The following CRACD variants were observed in gnomAD, a reference collection of about 807,000 sequenced individuals.
CRACD encodes the protein capping protein-inhibiting regulator of actin dynamics.
A neutral mutation model predicts 106.8 loss-of-function variants in CRACD; 56 were observed. The ratio of observed to expected loss-of-function variants is 0.52; its 90% CI spans 0.42 to 0.66. The LOEUF is 0.66. Among genes scored for constraint, CRACD ranks in the 30% least tolerant of loss-of-function variants. The pLI, the probability that CRACD is intolerant of heterozygous loss-of-function variation, is 0.00. For synonymous variants in CRACD, 754 were observed against 670.8 expected (o/e 1.12, Z -1.92); for missense variants, 1,730 against 1,623.2 (o/e 1.07, Z -1.13).
rs754664789 is a variant in CRACD at position 56,315,483 on chromosome 4, A to G, written c.1981A>G (p.Ser661Gly). ...KAKPRQESPSSASALAEWASI... is the reference protein window; with the variant it reads ...KAKPRQESPSGASALAEWASI... ...TAAGCCCCGCCAGGAGTCTCCCAGC[A>G]GCGCGTCCGCACTCGCAGAATGGGC... The change falls in exon 8 of 11, where the codon AGC becomes GGC. Residue 661 changes from serine to glycine, a missense_variant. Ser to Gly is a moderately conservative substitution (Grantham distance 56, BLOSUM62 0). This residue lies in a region of CRACD where 1,620 missense variants were observed against 1,481.6 expected (regional missense o/e 1.09). Coordinates refer to ENST00000682029, the MANE Select transcript of CRACD (RefSeq NM_001393381.1). This position sits in a 1 kb window ranked among gnomAD's most constrained non-coding sequence, Gnocchi z 4.1. 1.9e-6 allele frequency: 3 copies of G among 1,613,284 alleles called. No individual in the cohort carries two copies. Among genetic ancestry groups the G allele is most frequent in the East Asian group, 4.5e-5 (2 of 44,860 alleles).
At chr4:56,211,357 C>T (rs1738396999) in intron 2 of CRACD, among the ~76,000 whole-genome samples, 1 of 152,134 alleles carries the variant, frequency 6.6e-6, no homozygotes, top group Non-Finnish European at 1.5e-5. Context: ...CTTGGCCATA[C>T]TGCCTCCTGC....
chr4:56,116,502 G>A (rs1215937560), intron 1 of CRACD, among the ~76,000 whole-genome samples: 1 of 152,114 alleles, frequency 6.6e-6, no homozygotes, highest in Non-Finnish European at 1.5e-5. Context: ...ATTATAGAGG[G>A]ATCTGTGCTT....
chr4:56,308,111 C>T (rs922198466), intron 5 of CRACD, among the ~76,000 whole-genome samples: 2 of 152,198 alleles, frequency 1.3e-5, no homozygotes, highest in Non-Finnish European at 2.9e-5. Flanking sequence ...TGAGAACAAA[C>T]TGGGTCTGAC....
At chr4:56,171,806 G>A (rs76560912) in intron 1 of CRACD, among the ~76,000 whole-genome samples, 142 of 152,158 alleles carry the variant, frequency 9.3e-4, no homozygotes, top group Non-Finnish European at 1.9e-3. Flanking sequence ...GCCTGCCTCC[G>A]TCCTGTGGGT....
At chr4:56,202,659 T>TA (rs1737939968) in intron 2 of CRACD, among the ~76,000 whole-genome samples, 1 of 152,174 alleles carries the variant, frequency 6.6e-6, no homozygotes, top group Non-Finnish European at 1.5e-5. Flanking sequence ...GAATAGGTTT[T>TA]AAAAAATTCT....
At chr4:56,222,364 A>G (rs77819578) in intron 2 of CRACD, among the ~76,000 whole-genome samples, 4,391 of 152,294 alleles carry the variant, frequency 0.029, 102 homozygotes, top group South Asian at 0.055. Flanking sequence ...ACAGAGTGGT[A>G]TAATGCACTT....
intron 1 of CRACD, among the ~76,000 whole-genome samples, chr4:56,063,072 GA>G (rs201147407): frequency 1.4e-5 from 1 of 72,412 alleles, no homozygotes; most frequent in African/African-American, 9.7e-5. Context: ...AGGAAGAAAG[GA>G]AAGGAAGGAA....
At chr4:56,239,164 G>A (rs1740201917) in intron 2 of CRACD, among the ~76,000 whole-genome samples, 1 of 152,154 alleles carries the variant, frequency 6.6e-6, no homozygotes, top group African/African-American at 2.4e-5. Context: ...ATGGTGGTAC[G>A]TGCCTGTAAT....
intron 4 of CRACD, chr4:56,301,203 A>G: frequency 7.8e-7 from 1 of 1,286,322 alleles, no homozygotes; most frequent in South Asian, 1.2e-5. Context: ...TCATCCCCAA[A>G]AAGACTGTGC....
intron 2 of CRACD, among the ~76,000 whole-genome samples, chr4:56,198,739 CA>C (rs767468009): frequency 6.7e-6 from 1 of 150,236 alleles, no homozygotes; most frequent in East Asian, 1.9e-4. Flanking sequence ...TGAAAGTAAA[CA>C]AAAAAAAGAC....
intron 1 of CRACD, among the ~76,000 whole-genome samples, chr4:56,167,983 T>G (rs559479576): frequency 6.6e-5 from 10 of 152,240 alleles, no homozygotes; most frequent in African/African-American, 2.2e-4. Context: ...CTCAGGATTT[T>G]CTACATAGAT....
chr4:56,195,763 C>T (rs748080861), intron 2 of CRACD, among the ~76,000 whole-genome samples: 1 of 152,112 alleles, frequency 6.6e-6, no homozygotes, highest in Non-Finnish European at 1.5e-5. Context: ...AACACAGGAA[C>T]AATAGAAAAC....
At chr4:56,318,402 G>T (rs1055568163) in intron 8 of CRACD, among the ~76,000 whole-genome samples, 20 of 152,148 alleles carry the variant, frequency 1.3e-4, no homozygotes, top group African/African-American at 4.6e-4. Context: ...TGTCCTGCTG[G>T]ATGAGGGGCC....
intron 2 of CRACD, among the ~76,000 whole-genome samples, chr4:56,267,699 A>G (rs1467222199): frequency 1.3e-5 from 2 of 152,174 alleles, no homozygotes; most frequent in African/African-American, 4.8e-5. Flanking sequence ...CCTGATAATA[A>G]CTAAGGCATT....
intron 2 of CRACD, among the ~76,000 whole-genome samples, chr4:56,180,799 T>C (rs531964118): frequency 2.6e-5 from 4 of 152,214 alleles, no homozygotes; most frequent in Non-Finnish European, 5.9e-5. Context: ...ATGTTACCTC[T>C]ACCGTGAGAG....
At chr4:56,267,384 A>T (rs529955090) in intron 2 of CRACD, among the ~76,000 whole-genome samples, 3 of 152,236 alleles carry the variant, frequency 2.0e-5, no homozygotes, top group Admixed American at 2.0e-4. Flanking sequence ...AGCCCCGCAA[A>T]GTGCCGGGAT....
intron 1 of CRACD, among the ~76,000 whole-genome samples, chr4:56,162,113 C>T (rs73152966): frequency 0.058 from 8,885 of 152,138 alleles, 446 homozygotes; most frequent in African/African-American, 0.12. Context: ...AGACTACAAG[C>T]ACCACTTTGT....
intron 2 of CRACD, among the ~76,000 whole-genome samples, chr4:56,216,549 G>C (rs1409236589): frequency 1.3e-5 from 2 of 152,176 alleles, no homozygotes; most frequent in African/African-American, 4.8e-5. Context: ...AGACCAAATA[G>C]AGGGATACAC....
intron 1 of CRACD, among the ~76,000 whole-genome samples, chr4:56,109,904 G>A (rs1207100609): frequency 6.6e-6 from 1 of 151,824 alleles, no homozygotes; most frequent in African/African-American, 2.4e-5. Context: ...GGGACAAATG[G>A]GAGAGAGTAA....
Sources: allele counts gnomAD v4.1 joint callset (sites outside exome capture counted in the v4.1 genomes callset), GRCh38; gene constraint gnomAD v4.1.1; regional missense constraint gnomAD v4.1.1; non-coding constraint Gnocchi (gnomAD v3.1); transcripts MANE v1.5; gene names NCBI Gene and HGNC (gene_info 2026-07-23, HGNC 2026-07-21).